Variants in UBE2K observed in about 807,000 individuals in gnomAD.
UBE2K encodes ubiquitin conjugating enzyme E2 K.
UBE2K carries 6 observed loss-of-function variants against 30.0 expected under a neutral mutation model. That is an observed-to-expected ratio of 0.20 (90% CI 0.11 to 0.39). The LOEUF (loss-of-function observed/expected upper bound fraction) is 0.39, where lower values mean the gene tolerates loss of function less well. Among genes scored for constraint, UBE2K ranks in the 10% least tolerant of loss-of-function variants. UBE2K has a pLI of 1.00. For synonymous variants in UBE2K, 86 were observed against 83.7 expected (o/e 1.03, Z -0.15); for missense variants, 61 against 241.6 (o/e 0.25, Z 4.96).
chr4:39,703,434 G>C (rs1033564073), intron 1 of UBE2K, among the ~76,000 whole-genome samples: 1 of 152,066 alleles, frequency 6.6e-6, no homozygotes, highest in Non-Finnish European at 1.5e-5. Context: ...GGATGCTTGA[G>C]CCCATGAGGT....
At chr4:39,754,007 C>T (rs780636402) in intron 3 of UBE2K, among the ~76,000 whole-genome samples, 1 of 151,968 alleles carries the variant, frequency 6.6e-6, no homozygotes, top group East Asian at 1.9e-4. Flanking sequence ...CCAGCCTGAG[C>T]GACAGCGCGA....
chr4:39,770,231 C>T (rs1712691446), intron 4 of UBE2K: 7 of 1,611,618 alleles, frequency 4.3e-6, no homozygotes, highest in South Asian at 3.3e-5. Flanking sequence ...GCTGCGCTCC[C>T]GAGTGCAGGT....
intron 1 of UBE2K, among the ~76,000 whole-genome samples, chr4:39,731,124 G>A (rs1720050545): frequency 6.6e-6 from 1 of 151,932 alleles, no homozygotes; most frequent in Non-Finnish European, 1.5e-5. Context: ...AACTCCTGAC[G>A]TCAGGTGATC....
At chr4:39,728,150 A>T (rs186321266) in intron 1 of UBE2K, among the ~76,000 whole-genome samples, 1 of 152,118 alleles carries the variant, frequency 6.6e-6, no homozygotes, top group African/African-American at 2.4e-5. Context: ...AAAAATAAGT[A>T]AAAGAAAAGC....
At chr4:39,740,862 CAAAA>C (rs57382171) in intron 2 of UBE2K, among the ~76,000 whole-genome samples, 2 of 69,772 alleles carry the variant, frequency 2.9e-5, no homozygotes, top group African/African-American at 4.2e-5. Context: ...GACTCCGTCT[CAAAA>C]AAAAAAAAAA....
chr4:39,733,613 G>A (rs1329649266), intron 1 of UBE2K, among the ~76,000 whole-genome samples: 1 of 152,056 alleles, frequency 6.6e-6, no homozygotes, highest in Non-Finnish European at 1.5e-5. Context: ...GATTACAGTC[G>A]TGAGCCACTG....
chr4:39,700,416 C>T (rs1717944446), intron 1 of UBE2K, among the ~76,000 whole-genome samples: 1 of 151,806 alleles, frequency 6.6e-6, no homozygotes, highest in Non-Finnish European at 1.5e-5. Flanking sequence ...TAGAACAGTA[C>T]CTGTATAAAT....
chr4:39,726,151 A>G (rs1719740601), intron 1 of UBE2K, among the ~76,000 whole-genome samples: 2 of 151,976 alleles, frequency 1.3e-5, no homozygotes, highest in South Asian at 2.1e-4. Context: ...CATCACCCCA[A>G]TAATCTGTCT....
chr4:39,702,231 C>CTTTTCTTTTCT (rs1718062050), intron 1 of UBE2K, among the ~76,000 whole-genome samples: 1 of 67,374 alleles, frequency 1.5e-5, no homozygotes, highest in Non-Finnish European at 2.7e-5. Flanking sequence ...CTTTTCTTTT[C>CTTTTCTTTTCT]TTTTTTTTTT....
At chr4:39,713,940 G>A (rs1017204082) in intron 1 of UBE2K, 3 of 151,918 alleles carry the variant, frequency 2.0e-5, no homozygotes, top group African/African-American at 7.3e-5. Flanking sequence ...AGACTAGAGT[G>A]CAATGGTGCA....
At position 39,715,263 on chromosome 4, in the gene UBE2K, C is replaced by T. The variant is rs899723781; in HGVS notation, c.63+16873C>T. Among the ~76,000 whole-genome samples, 7 of 151,706 alleles carry T rather than the reference C, an allele frequency of 4.6e-5. No homozygotes were observed. In the South Asian group the frequency reaches 1.0e-3, roughly 23 times the overall value. On this transcript the variant is annotated intron_variant, in intron 1 of 6. Coordinates refer to ENST00000261427, the MANE Select transcript of UBE2K (RefSeq NM_005339.5). ...CCAGATGGTCTCAATCTCCTGACCTCGTGATCCACCTGCCTCGGCCTCCCA... is the reference window on the plus strand; with the variant it reads ...CCAGATGGTCTCAATCTCCTGACCTTGTGATCCACCTGCCTCGGCCTCCCA...
In UBE2K at chr4:39,778,600, TAAAG is replaced by T. The variant is rs1333692534; in HGVS notation, c.*167_*170del. 11 of 485,526 alleles carry T rather than the reference TAAAG, an allele frequency of 2.3e-5. No homozygotes were observed. The highest frequency in any genetic ancestry group is 1.6e-4 in the African/African-American group (8 of 50,932). 30.1% of individuals were successfully genotyped at this position (485,526 alleles called of 1,614,324 possible). A position where few individuals can be genotyped will look rare whatever the true frequency, so the allele number is the denominator to read the frequency against. Reference sequence around the variant, plus strand: ...AAAAAAAAAATCCCTGCTCTGTAAATAAAGCTAATTAAACGTCTGTGTAAATTTA... The same window carrying T: ...AAAAAAAAAATCCCTGCTCTGTAAATCTAATTAAACGTCTGTGTAAATTTA... On this transcript the variant is annotated 3_prime_UTR_variant, in exon 7 of 7. Transcript: ENST00000261427.
At chr4:39,702,710 A>T (rs1209115446) in intron 1 of UBE2K, among the ~76,000 whole-genome samples, 1 of 152,068 alleles carries the variant, frequency 6.6e-6, no homozygotes, top group African/African-American at 2.4e-5. Flanking sequence ...ATCTAGCTTG[A>T]TCTAGATTAT....
At chr4:39,725,023 G>GT (rs530396527) in intron 1 of UBE2K, among the ~76,000 whole-genome samples, 248 of 152,106 alleles carry the variant, frequency 1.6e-3, no homozygotes, top group Admixed American at 4.0e-3. Flanking sequence ...TTCTTTTTTA[G>GT]TTTTTTAATT....
At chr4:39,751,835 C>T (rs186007604) in intron 3 of UBE2K, among the ~76,000 whole-genome samples, 16 of 152,094 alleles carry the variant, frequency 1.1e-4, no homozygotes, top group African/African-American at 3.9e-4. Context: ...GGTGTGGTGG[C>T]GCACACACGT....
intron 1 of UBE2K, among the ~76,000 whole-genome samples, chr4:39,723,787 GGTACT>G (rs942079999): frequency 4.7e-4 from 70 of 150,534 alleles, no homozygotes; most frequent in African/African-American, 1.7e-3. Context: ...GTTAATAATG[GGTACT>G]GTACAATTAA....
chr4:39,726,362 T>C (rs1365322984), intron 1 of UBE2K, among the ~76,000 whole-genome samples: 2 of 152,094 alleles, frequency 1.3e-5, no homozygotes, highest in Non-Finnish European at 2.9e-5. Context: ...AATAGCATAA[T>C]AGATATCATC....
intron 1 of UBE2K, among the ~76,000 whole-genome samples, chr4:39,713,537 A>G (rs1262569884): frequency 2.9e-5 from 2 of 69,902 alleles, no homozygotes; most frequent in African/African-American, 8.4e-5. Context: ...ATTTTGGCTT[A>G]TCTTTTTATG....
Position 39,706,575 on chromosome 4 carries a change from G to A in UBE2K, c.63+8185G>A, listed in dbSNP as rs181323468. Among the ~76,000 whole-genome samples the A allele has an allele frequency of 2.5e-4, 38 of 149,576 alleles. No individual in the cohort carries two copies. In the South Asian group the frequency reaches 6.4e-3, roughly 25 times the overall value. ...GCAGCCACCACCTCCCAGGTCAAGC[G>A]GTTCTCCTGCCTCAGCCTACCAAGT... On this transcript the variant is annotated intron_variant, in intron 1 of 6. Coordinates refer to ENST00000261427, the MANE Select transcript of UBE2K (RefSeq NM_005339.5).
Sources: allele counts gnomAD v4.1 joint callset (sites outside exome capture counted in the v4.1 genomes callset), GRCh38; gene constraint gnomAD v4.1.1; transcripts MANE v1.5; gene names NCBI Gene and HGNC (gene_info 2026-07-23, HGNC 2026-07-21).